FGF14: variants seen among roughly 807,000 people sequenced by gnomAD.
The protein encoded by FGF14 is fibroblast growth factor 14.
Under a neutral mutation model 25.5 loss-of-function variants are expected in FGF14, and 5 were observed. That is an observed-to-expected ratio of 0.20 (90% CI 0.10 to 0.41). FGF14 has a LOEUF of 0.41. Ranked by LOEUF, FGF14 falls within the 10% of genes least tolerant of loss-of-function variation. FGF14 has a pLI of 1.00. For missense variants in FGF14, 222 were observed against 320.1 expected (o/e 0.69, Z 2.34); for synonymous variants, 138 against 118.3 (o/e 1.17, Z -1.08).
chr13:101,962,737 A>AATGC (rs2036941962), intron 1 of FGF14, among the ~76,000 whole-genome samples: 1 of 152,194 alleles, frequency 6.6e-6, no homozygotes, highest in African/African-American at 2.4e-5. Flanking sequence ...AGTTGTATGC[A>AATGC]ACATGTTTAT....
At chr13:102,159,175 C>T (rs1380190690) in intron 1 of FGF14, among the ~76,000 whole-genome samples, 2 of 147,266 alleles carry the variant, frequency 1.4e-5, no homozygotes, top group Non-Finnish European at 3.0e-5. Context: ...AAAGAAAATT[C>T]AAGGGGTTCA....
intron 3 of FGF14, among the ~76,000 whole-genome samples, chr13:101,782,006 T>A (rs559894760): frequency 6.6e-6 from 1 of 152,350 alleles, no homozygotes; most frequent in African/African-American, 2.4e-5. Context: ...TTTTGGTCTA[T>A]GGAGATCTCA....
chr13:102,239,080 AAAAAAACAAAAAAC>A (rs901585115), intron 1 of FGF14, among the ~76,000 whole-genome samples: 1 of 151,580 alleles, frequency 6.6e-6, no homozygotes, highest in African/African-American at 2.4e-5. Flanking sequence ...CGCTGGTTAA[AAAAAAACAAAAAAC>A]AAAAAACAAA....
At chr13:101,840,718 C>T (rs968175890) in intron 3 of FGF14, among the ~76,000 whole-genome samples, 1 of 151,952 alleles carries the variant, frequency 6.6e-6, no homozygotes. Flanking sequence ...CATAGGTCAG[C>T]ATGCACACAT....
At position 101,716,030 on chromosome 13, in the gene FGF14, C is replaced by G. The variant is rs2139626035; in HGVS notation, c.*6801G>C. On this transcript the variant is annotated 3_prime_UTR_variant, in exon 5 of 5. Coordinates refer to ENST00000376143, the MANE Select transcript of FGF14 (RefSeq NM_004115.4). ...ATGCTGCTGAGCATCCCGCAGTGTACAGGACAGCCCCCAAACAAGGAATTA... is the reference window on the plus strand; with the variant it reads ...ATGCTGCTGAGCATCCCGCAGTGTAGAGGACAGCCCCCAAACAAGGAATTA... 6.0e-6 allele frequency: 1 copy of G among 166,126 alleles called. No individual in the cohort carries two copies. The highest frequency in any genetic ancestry group is 6.1e-5 in the Admixed American group (1 of 16,338). 10.3% of individuals were successfully genotyped at this position (166,126 alleles called of 1,614,324 possible).
At chr13:102,294,642 A>C (rs1032341801) in intron 1 of FGF14, among the ~76,000 whole-genome samples, 5 of 152,108 alleles carry the variant, frequency 3.3e-5, no homozygotes, top group African/African-American at 4.8e-5. Flanking sequence ...CTAGATTGTC[A>C]ATTTCTGTTT....
chr13:102,016,198 T>G (rs1242622868), intron 1 of FGF14, among the ~76,000 whole-genome samples: 1 of 152,116 alleles, frequency 6.6e-6, no homozygotes. Flanking sequence ...TAATTCCCAT[T>G]TTACAGTTGA....
intron 1 of FGF14, among the ~76,000 whole-genome samples, chr13:101,967,163 T>C (rs957715864): frequency 6.6e-6 from 1 of 152,210 alleles, no homozygotes; most frequent in African/African-American, 2.4e-5. Context: ...TCACTTAGAA[T>C]GAACCTTAAA....
chr13:102,369,142 C>G (rs1429502306), intron 1 of FGF14, among the ~76,000 whole-genome samples: 1 of 152,192 alleles, frequency 6.6e-6, no homozygotes, highest in African/African-American at 2.4e-5. Flanking sequence ...CACAGCCTAA[C>G]ACTAGAACAC....
chr13:101,781,932 T>C (rs2039514644), intron 3 of FGF14, among the ~76,000 whole-genome samples: 1 of 152,232 alleles, frequency 6.6e-6, no homozygotes, highest in Admixed American at 6.5e-5. Context: ...CTTTCATTTT[T>C]CTCTGGCTCT....
At chr13:102,325,539 T>C (rs559496550) in intron 1 of FGF14, among the ~76,000 whole-genome samples, 1 of 152,270 alleles carries the variant, frequency 6.6e-6, no homozygotes, top group East Asian at 1.9e-4. Flanking sequence ...ACAGGCTGTT[T>C]CCTCTGCCTG....
At chr13:101,749,424 T>C (rs2037124975) in intron 3 of FGF14, among the ~76,000 whole-genome samples, 1 of 152,068 alleles carries the variant, frequency 6.6e-6, no homozygotes, top group Non-Finnish European at 1.5e-5. Flanking sequence ...TCCCAAAGGT[T>C]ACATATTGTC....
chr13:101,753,215 T>C (rs1361593354), intron 3 of FGF14, among the ~76,000 whole-genome samples: 1 of 151,938 alleles, frequency 6.6e-6, no homozygotes, highest in Non-Finnish European at 1.5e-5. Flanking sequence ...TTAAAAAATA[T>C]GACATGCAAA....
chr13:102,251,694 T>C (rs751266909), intron 1 of FGF14, among the ~76,000 whole-genome samples: 23 of 152,110 alleles, frequency 1.5e-4, no homozygotes, highest in Non-Finnish European at 2.5e-4. Flanking sequence ...CAAATTCACG[T>C]TGGGGCAATT....
intron 1 of FGF14, among the ~76,000 whole-genome samples, chr13:102,028,648 A>G (rs1373129813): frequency 6.6e-6 from 1 of 152,058 alleles, no homozygotes; most frequent in African/African-American, 2.4e-5. Flanking sequence ...GTATTGAGGA[A>G]GCCACTGAGA....
chr13:102,009,751 G>T (rs2039984592), intron 1 of FGF14, among the ~76,000 whole-genome samples: 1 of 151,938 alleles, frequency 6.6e-6, no homozygotes, highest in Non-Finnish European at 1.5e-5. Context: ...TCATTTATAA[G>T]TAGGTAAACT....
At chr13:102,350,754 C>T (rs544504459) in intron 1 of FGF14, among the ~76,000 whole-genome samples, 19 of 152,282 alleles carry the variant, frequency 1.2e-4, no homozygotes, top group South Asian at 4.2e-4. Flanking sequence ...ATTCAAAGGA[C>T]GCTATGTGGG....
At chr13:102,060,396 G>A (rs915867816) in intron 1 of FGF14, among the ~76,000 whole-genome samples, 2 of 152,036 alleles carry the variant, frequency 1.3e-5, no homozygotes, top group African/African-American at 4.8e-5. Flanking sequence ...CATGGTGGCG[G>A]GCGCCTGTAG....
At chr13:102,377,215 T>A (rs527654699) in intron 1 of FGF14, among the ~76,000 whole-genome samples, 2 of 152,260 alleles carry the variant, frequency 1.3e-5, no homozygotes, top group South Asian at 2.1e-4. Flanking sequence ...AGTGTTCAGG[T>A]GTGAGCAGAA....
Sources: gnomAD v4.1 joint callset for allele counts (sites outside exome capture counted in the v4.1 genomes callset) on GRCh38, gnomAD v4.1.1 for gene constraint, MANE v1.5 for transcripts, NCBI Gene and HGNC (gene_info 2026-07-23, HGNC 2026-07-21) for gene names.